SPOCD1: variants seen among roughly 807,000 people sequenced by gnomAD.
The protein encoded by SPOCD1 is SPOC domain containing 1.
SPOCD1 carries 64 observed loss-of-function variants against 92.2 expected under a neutral mutation model. That is an observed-to-expected ratio of 0.69 (90% confidence interval 0.57 to 0.86). The LOEUF (loss-of-function observed/expected upper bound fraction) is 0.86. SPOCD1 is among the 40% of genes least tolerant of loss of function. SPOCD1 has a pLI of 0.00. For synonymous variants in SPOCD1, 578 were observed against 619.3 expected (o/e 0.93, Z 0.99); for missense variants, 1,360 against 1,543.1 (o/e 0.88, Z 1.99).
At chr1:31,799,664 C>A in intron 6 of SPOCD1, 145 bp downstream of exon 6, 2 of 1,181,198 alleles carry the variant, frequency 1.7e-6, no homozygotes, top group Non-Finnish European at 2.4e-6. Flanking sequence ...CCCCTTCCCC[C>A]ACCCCTTTGG....
At position 31,814,945 on chromosome 1, in the gene SPOCD1, C is replaced by A; in HGVS notation, c.389G>T (p.Ser130Ile). ...QVSLCDILDDSCPRKLCSRSA... is the reference protein window; with the variant it reads ...QVSLCDILDDICPRKLCSRSA... The stretch of plus-strand genomic sequence containing the variant: ...CCTGCTACAAAGTTTCCTGGGGCAA[C>A]TGTCATCTAAGATGTCACACAGAGA... The change falls in exon 2 of 16, where the codon AGT becomes ATT. Residue 130 changes from serine (S) to isoleucine (I), a missense_variant. Physicochemically the swap from Ser to Ile is moderately radical, Grantham distance 142. Transcript: ENST00000360482. The surrounding 1 kb of genome is among the most constrained non-coding windows in gnomAD (Gnocchi z 4.2). 6.2e-7 allele frequency: 1 copy of A among 1,613,984 alleles called. No individual in the cohort carries two copies. The highest frequency in any genetic ancestry group is 1.1e-5 in the South Asian group (1 of 91,086).
At chr1:31,815,556 G>C (rs1190031545) in intron 1 of SPOCD1, among the ~76,000 whole-genome samples, 184 bp from the exon 2 acceptor site, 1 of 152,200 alleles carries the variant, frequency 6.6e-6, no homozygotes, top group Non-Finnish European at 1.5e-5. Context: ...GGTGAGGGTG[G>C]AGAGGCCTGC....
rs150858296 is a variant in SPOCD1, at chr1:31,814,827, G to A, written c.507C>T (p.Asp169=). The change falls in exon 2 of 16, where the codon GAC becomes GAT. Residue 169 remains aspartate (D), a synonymous_variant. Transcript: ENST00000360482. This position sits in a 1 kb window ranked among gnomAD's most constrained non-coding sequence, Gnocchi z 4.2. ...VSCLRPREAR[D]GGMSSPGCDR... ...CACACCCTGGAGAACTCATTCCACCGTCTCTGGCCTCCCTGGGCCTGAGGC... is the reference window on the plus strand; with the variant it reads ...CACACCCTGGAGAACTCATTCCACCATCTCTGGCCTCCCTGGGCCTGAGGC... The A allele has an allele frequency of 2.2e-5, 35 of 1,612,516 alleles. No individual in the cohort carries two copies. The highest frequency in any genetic ancestry group is 4.4e-5 in the South Asian group (4 of 90,996).
chr1:31,810,795 C>A (rs1417035450), intron 2 of SPOCD1, among the ~76,000 whole-genome samples: 1 of 152,242 alleles, frequency 6.6e-6, no homozygotes, highest in African/African-American at 2.4e-5. Context: ...CACCTCTTGA[C>A]ACTTTGCAGC....
intron 2 of SPOCD1, among the ~76,000 whole-genome samples, chr1:31,810,462 T>C (rs1230816617): frequency 6.6e-6 from 1 of 151,294 alleles, no homozygotes; most frequent in Non-Finnish European, 1.5e-5. Context: ...CAGGTGATCC[T>C]CTCACCTCAG....
chr1:31,803,587 A>C (rs1004112617), intron 2 of SPOCD1, among the ~76,000 whole-genome samples: 10 of 151,928 alleles, frequency 6.6e-5, no homozygotes, highest in Non-Finnish European at 1.3e-4. Context: ...AGAAAAAAAA[A>C]AAAAATAGCC....
At chr1:31,793,994 GGT>G in intron 11 of SPOCD1, 97 bp from the exon 12 acceptor site, 2 of 1,522,576 alleles carry the variant, frequency 1.3e-6, no homozygotes, top group Non-Finnish European at 1.8e-6. Flanking sequence ...TTCTTTTCTA[GGT>G]GACCTGGGGC....
chr1:31,799,799 G>C lies in SPOCD1; in HGVS notation c.1783+10C>G, dbSNP rs753354522. 3 of 1,613,704 alleles carry C rather than the reference G, an allele frequency of 1.9e-6. No individual in the cohort carries two copies. Among genetic ancestry groups the C allele is most frequent in the Admixed American group, 1.7e-5 (1 of 60,026 alleles). ...TGGAAGCAGAAGAGGCTCCCTCCAG[G>C]GCCCTTCACCTGAGTCCTCTGGCTG... On this transcript the variant is annotated intron_variant, in intron 6 of 15. Coordinates refer to ENST00000360482, the MANE Select transcript of SPOCD1 (RefSeq NM_144569.7).
At position 31,790,532 on chromosome 1, in the gene SPOCD1, C is replaced by A; in HGVS notation, c.*71G>T. 2 of 1,395,382 alleles carry A rather than the reference C, an allele frequency of 1.4e-6. No individual in the cohort carries two copies. Among genetic ancestry groups the A allele is most frequent in the South Asian group, 2.7e-5 (2 of 75,368 alleles). 86.4% of individuals were successfully genotyped at this position (1,395,382 alleles called of 1,614,324 possible). A position where few individuals can be genotyped will look rare whatever the true frequency, so the allele number is the denominator to read the frequency against. On this transcript the variant is annotated 3_prime_UTR_variant, in exon 16 of 16. Coordinates refer to ENST00000360482, the MANE Select transcript of SPOCD1 (RefSeq NM_144569.7). Reference sequence around the variant, plus strand: ...GGCTGACCATCCTCTCCTTGCAGTCCCACCTCTCTCTGGAACAGGCTTCAA... The same window carrying A: ...GGCTGACCATCCTCTCCTTGCAGTCACACCTCTCTCTGGAACAGGCTTCAA...
In SPOCD1 at chr1:31,790,828, G is replaced by C; in HGVS notation, c.3426C>G (p.Asp1142Glu). ...GGAGCAGGGCTTGGTGGGGACAGGA[G>C]TCCCTGTGGAAGTGCTGGCCACGGC... The part of the protein sequence containing the change: ...GFGRGQHFHR[D>E]SCPHQALLRH... The change falls in exon 16 of 16, where the codon GAC becomes GAG. Residue 1142 changes from aspartate (D) to glutamate (E), a missense_variant. By Grantham distance (45) the Asp-to-Glu change is conservative. This residue lies in a region of SPOCD1 where 614 missense variants were observed against 757.8 expected (regional missense o/e 0.81). Coordinates refer to ENST00000360482, the MANE Select transcript of SPOCD1 (RefSeq NM_144569.7). 6.5e-7 allele frequency: 1 copy of C among 1,540,290 alleles called. No individual in the cohort carries two copies.
chr1:31,809,193 G>A (rs543783243), intron 2 of SPOCD1, among the ~76,000 whole-genome samples: 21 of 152,176 alleles, frequency 1.4e-4, no homozygotes, highest in African/African-American at 4.6e-4. Flanking sequence ...GACTTAATAA[G>A]AATAACCAAA....
Position 31,814,111 on chromosome 1 carries a change from G to C in SPOCD1, c.1223C>G (p.Ala408Gly), listed in dbSNP as rs780080980. The C allele has an allele frequency of 3.1e-6, 5 of 1,610,196 alleles. No individual in the cohort carries two copies. The highest frequency in any genetic ancestry group is 2.5e-6 in the Non-Finnish European group (3 of 1,177,506). ...SSSLDTEASR[A>G]CSGPFMEQRR... Reference sequence around the variant, plus strand: ...CTGCTCCATGAATGGGCCTGAGCAGGCCCTGCTGGCTTCAGTATCCAGGGA... The same window carrying C: ...CTGCTCCATGAATGGGCCTGAGCAGCCCCTGCTGGCTTCAGTATCCAGGGA... The change falls in exon 2 of 16, where the codon GCC becomes GGC. Residue 408 changes from alanine (A) to glycine (G), a missense_variant. Ala to Gly is a moderately conservative substitution (Grantham distance 60, BLOSUM62 0). This residue lies in a region of SPOCD1 where 606 missense variants were observed against 601.5 expected (regional missense o/e 1.01). Transcript: ENST00000360482. This position sits in a 1 kb window ranked among gnomAD's most constrained non-coding sequence, Gnocchi z 4.2.
intron 2 of SPOCD1, among the ~76,000 whole-genome samples, chr1:31,813,401 G>A (rs1384297366): frequency 1.3e-5 from 2 of 150,368 alleles, no homozygotes; most frequent in Non-Finnish European, 3.0e-5. Context: ...CAGAGTAGCT[G>A]GAACAGGCAT....
At chr1:31,799,251 T>A (rs1648255872) in intron 7 of SPOCD1, 150 bp downstream of exon 7, 1 of 668,196 alleles carries the variant, frequency 1.5e-6, no homozygotes, top group African/African-American at 1.8e-5. Context: ...AGCTCTCCAC[T>A]GGCTCTTGGT....
intron 11 of SPOCD1, 84 bp downstream of exon 11, chr1:31,794,040 G>A: frequency 2.0e-6 from 3 of 1,522,926 alleles, no homozygotes; most frequent in Non-Finnish European, 2.7e-6. Flanking sequence ...CTCTCCCCAG[G>A]CCACAAATCC....
chr1:31,809,370 C>G (rs1649046469), intron 2 of SPOCD1, among the ~76,000 whole-genome samples: 1 of 152,092 alleles, frequency 6.6e-6, no homozygotes, highest in Non-Finnish European at 1.5e-5. Context: ...GGGGTGTATA[C>G]TATTTCAACC....
chr1:31,815,594 C>G (rs2124002060), intron 1 of SPOCD1: 1 of 378,716 alleles, frequency 2.6e-6, no homozygotes. Flanking sequence ...CTACAGTGGC[C>G]TCCAGGGTCT....
intron 15 of SPOCD1, 156 bp from the exon 16 acceptor site, chr1:31,791,447 G>A (rs552842742): frequency 5.6e-6 from 3 of 534,414 alleles, no homozygotes; most frequent in African/African-American, 3.9e-5. Flanking sequence ...GCGGGATCAA[G>A]GCTTATCTGG....
rs1248089195 is a variant in SPOCD1 at position 31,814,746 on chromosome 1, G to A, written c.588C>T (p.Ser196=). 6.2e-7 allele frequency: 1 copy of A among 1,613,694 alleles called. No individual in the cohort carries two copies. The highest frequency in any genetic ancestry group is 8.5e-7 in the Non-Finnish European group (1 of 1,179,824). The part of the protein sequence containing the change: ...KEEPPGRPLT[S]SPDPVPVRVR... ...CCCTCACAGGGACTGGGTCTGGTGA[G>A]GATGTCAGGGGCCTTCCAGGGGGCT... The change falls in exon 2 of 16, where the codon TCC becomes TCT. Residue 196 remains serine, a synonymous_variant. Transcript: ENST00000360482. This position sits in a 1 kb window ranked among gnomAD's most constrained non-coding sequence, Gnocchi z 4.2.
Sources: allele counts gnomAD v4.1 joint callset (sites outside exome capture counted in the v4.1 genomes callset), GRCh38; gene constraint gnomAD v4.1.1; regional missense constraint gnomAD v4.1.1; non-coding constraint Gnocchi (gnomAD v3.1); transcripts MANE v1.5; gene names NCBI Gene and HGNC (gene_info 2026-07-23, HGNC 2026-07-21).